Variants in CIB4 observed in about 807,000 individuals in gnomAD.
CIB4 encodes the protein calcium and integrin binding family member 4.
In CIB4, 25 loss-of-function variants were observed where a neutral mutation model predicts 25.8. That is an observed-to-expected ratio of 0.97 (90% confidence interval 0.71 to 1.35). The LOEUF (loss-of-function observed/expected upper bound fraction) is 1.35. Ranked by LOEUF, CIB4 falls within the 40% of genes most tolerant of loss-of-function variation. The pLI, the probability that CIB4 is intolerant of heterozygous loss-of-function variation, is 0.00. For synonymous variants in CIB4, 75 were observed against 81.4 expected (o/e 0.92, Z 0.42); for missense variants, 235 against 228.2 (o/e 1.03, Z -0.19).
chr2:26,622,652 T>G (rs1194539673), intron 3 of CIB4, among the ~76,000 whole-genome samples: 1 of 152,050 alleles, frequency 6.6e-6, no homozygotes, highest in African/African-American at 2.4e-5. Flanking sequence ...ATAGGGCAAC[T>G]TAACTCCTGG....
chr2:26,611,972 G>A (rs60984733), intron 3 of CIB4, among the ~76,000 whole-genome samples: 8,231 of 152,226 alleles, frequency 0.054, 686 homozygotes, highest in African/African-American at 0.18. Flanking sequence ...TAGGGTCGTT[G>A]GATGCTAAGG....
intron 2 of CIB4, among the ~76,000 whole-genome samples, chr2:26,634,496 G>GC (rs922935432): frequency 5.9e-5 from 9 of 152,200 alleles, no homozygotes; most frequent in Non-Finnish European, 1.5e-5. Context: ...GCCAGGTATT[G>GC]CTCTAACAAT....
At chr2:26,598,678 G>C (rs1236588846) in intron 3 of CIB4, among the ~76,000 whole-genome samples, 2 of 152,188 alleles carry the variant, frequency 1.3e-5, no homozygotes, top group African/African-American at 4.8e-5. Flanking sequence ...CCTGCCAGGA[G>C]AGTGTCCCAG....
At chr2:26,628,860 G>A (rs936342124) in intron 3 of CIB4, among the ~76,000 whole-genome samples, 45 of 152,182 alleles carry the variant, frequency 3.0e-4, no homozygotes, top group African/African-American at 1.1e-3. Context: ...GTGGCACCCT[G>A]GCTTCCTCAA....
intron 3 of CIB4, among the ~76,000 whole-genome samples, chr2:26,619,437 G>T (rs1033643099): frequency 6.6e-6 from 1 of 152,156 alleles, no homozygotes; most frequent in Non-Finnish European, 1.5e-5. Flanking sequence ...ATTCTACGAG[G>T]GCAACGATGA....
At chr2:26,635,671 G>A (rs1399768190) in intron 2 of CIB4, among the ~76,000 whole-genome samples, 1 of 152,090 alleles carries the variant, frequency 6.6e-6, no homozygotes, top group Non-Finnish European at 1.5e-5. Context: ...GAGAAGCTGG[G>A]CATCCACATC....
chr2:26,634,954 A>C (rs113904596), intron 2 of CIB4, among the ~76,000 whole-genome samples: 43 of 152,346 alleles, frequency 2.8e-4, no homozygotes, highest in African/African-American at 9.9e-4. Context: ...TGAGACATAG[A>C]GGTCTGGGCT....
At chr2:26,586,684 A>ATG (rs1668459833) in intron 4 of CIB4, among the ~76,000 whole-genome samples, 1 of 152,184 alleles carries the variant, frequency 6.6e-6, no homozygotes. Context: ...GATTAAACCC[A>ATG]GGCAGTCTCA....
chr2:26,595,174 A>G lies in CIB4; in HGVS notation c.328+2T>C, dbSNP rs145508474. On this transcript the variant is annotated splice_donor_variant, in intron 4 of 6. Transcript: ENST00000288861. LOFTEE classifies it high-confidence loss of function. ...CACCCCTCAGTCCCCCACAGCACCTACCATAGATGCGAAAGGCATACTCAA... is the reference window on the plus strand; with the variant it reads ...CACCCCTCAGTCCCCCACAGCACCTGCCATAGATGCGAAAGGCATACTCAA... 40 of 1,607,312 alleles carry G rather than the reference A, an allele frequency of 2.5e-5. No individual in the cohort carries two copies. The East Asian group carries it at 8.5e-4, about 34-fold the overall frequency.
chr2:26,604,550 T>TA (rs1399457645), intron 3 of CIB4, among the ~76,000 whole-genome samples: 9 of 152,190 alleles, frequency 5.9e-5, no homozygotes, highest in African/African-American at 1.9e-4. Flanking sequence ...AAGTCTCTTA[T>TA]TCTACTCTTC....
chr2:26,618,354 T>C (rs1669134655), intron 3 of CIB4, among the ~76,000 whole-genome samples: 1 of 152,246 alleles, frequency 6.6e-6, no homozygotes, highest in African/African-American at 2.4e-5. Flanking sequence ...GGTGCCATCA[T>C]GGCTCACTGC....
At position 26,581,393 on chromosome 2, in the gene CIB4, G is replaced by C. The variant is rs777650596; in HGVS notation, c.528C>G (p.Asn176Lys). ...HAMAKSPDFM[N>K]SFRIHFWGC The stretch of plus-strand genomic sequence containing the variant: ...ATCCCCAGAAGTGAATCCGAAAGGA[G>C]CTGAAAGAAAGAATCCCGTGAGCCA... The change falls in exon 7 of 7, where the codon AAC (asparagine) becomes AAG (lysine). Residue 176 changes from asparagine (N) to lysine (K), a missense_variant and splice_region_variant. Asn to Lys is a moderately conservative substitution (Grantham distance 94, BLOSUM62 0). Transcript: ENST00000288861. 1 of 1,613,568 alleles carries C rather than the reference G, an allele frequency of 6.2e-7. No homozygotes were observed. The highest frequency in any genetic ancestry group is 8.5e-7 in the Non-Finnish European group (1 of 1,179,756).
intron 2 of CIB4, among the ~76,000 whole-genome samples, chr2:26,639,537 G>A (rs1303579490): frequency 6.6e-5 from 10 of 151,852 alleles, no homozygotes; most frequent in African/African-American, 2.2e-4. Context: ...TTCAATAGAG[G>A]TTATATGGGT....
At chr2:26,624,947 G>A (rs924359139) in intron 3 of CIB4, among the ~76,000 whole-genome samples, 1 of 152,090 alleles carries the variant, frequency 6.6e-6, no homozygotes, top group African/African-American at 2.4e-5. Flanking sequence ...AAGGATAAAT[G>A]CTTGAGGGGA....
intron 3 of CIB4, among the ~76,000 whole-genome samples, chr2:26,607,104 G>C (rs1668903936): frequency 6.6e-6 from 1 of 152,166 alleles, no homozygotes; most frequent in Non-Finnish European, 1.5e-5. Flanking sequence ...CCTAGGTGGA[G>C]CTCAAAGGAC....
At chr2:26,631,701 C>T (rs1669423075) in intron 2 of CIB4, among the ~76,000 whole-genome samples, 1 of 152,238 alleles carries the variant, frequency 6.6e-6, no homozygotes, top group African/African-American at 2.4e-5. Flanking sequence ...TGTGTGCCCA[C>T]TGCACTCTGT....
chr2:26,607,883 G>C (rs1457555388), intron 3 of CIB4, among the ~76,000 whole-genome samples: 1 of 152,348 alleles, frequency 6.6e-6, no homozygotes, highest in East Asian at 1.9e-4. Context: ...CCAGAGGCTT[G>C]GCTGGCCAGC....
At chr2:26,587,639 A>G (rs114682767) in intron 4 of CIB4, among the ~76,000 whole-genome samples, 1,839 of 152,320 alleles carry the variant, frequency 0.012, 34 homozygotes, top group African/African-American at 0.041. Flanking sequence ...AGTTATATCT[A>G]ATAAGCATCT....
At chr2:26,617,147 T>TGTGTGTGTGTGC (rs10665609) in intron 3 of CIB4, among the ~76,000 whole-genome samples, 30 of 150,534 alleles carry the variant, frequency 2.0e-4, no homozygotes, top group Middle Eastern at 6.8e-3. Flanking sequence ...TGTGTGTGTG[T>TGTGTGTGTGTGC]GCACGTGAGC....
Sources: gnomAD v4.1 joint callset for allele counts (sites outside exome capture counted in the v4.1 genomes callset) on GRCh38, gnomAD v4.1.1 for gene constraint, MANE v1.5 for transcripts, NCBI Gene and HGNC (gene_info 2026-07-23, HGNC 2026-07-21) for gene names.